The following PRAMEF20 variants were observed in gnomAD, a reference collection of about 807,000 sequenced individuals.
PRAMEF20 encodes PRAME family member 20/21.
Under a neutral mutation model 32.4 loss-of-function variants are expected in PRAMEF20, and 27 were observed. The observed-to-expected ratio is 0.83, with a 90% CI of 0.61 to 1.15. PRAMEF20 has a LOEUF of 1.15. Ranked by LOEUF, PRAMEF20 falls within the 50% of genes most tolerant of loss-of-function variation. The pLI is 0.00. For synonymous variants in PRAMEF20, 256 were observed against 235.4 expected (o/e 1.09, Z -0.80); for missense variants, 604 against 584.5 (o/e 1.03, Z -0.34).
Position 13,416,457 on chromosome 1 carries a change from CT to C in PRAMEF20, c.108del (p.Pro38HisfsTer15), listed in dbSNP as rs766678456. On this transcript the variant is annotated frameshift_variant, in exon 1 of 3. Coordinates refer to ENST00000602960, the Ensembl canonical transcript of PRAMEF20. LOFTEE classifies it high-confidence loss of function. ...CACCCTGGAGGAGCTGCCCACGGAA[CT>C]TTTTCCCCCATTGTTCATGGAGGCC... 2.5e-6 allele frequency: 4 copies of C among 1,614,060 alleles called. No homozygotes were observed. The highest frequency in any genetic ancestry group is 1.7e-6 in the Non-Finnish European group (2 of 1,179,954).
At chr1:13,413,880 C>T (rs1641136325), upstream of PRAMEF20, among the ~76,000 whole-genome samples, 1 of 152,022 alleles carries the variant, frequency 6.6e-6, no homozygotes, top group Non-Finnish European at 1.5e-5. Context: ...TTCAGGCAGC[C>T]CAAGATGGCA....
chr1:13,420,478 G>T (rs1437114367), intron 2 of PRAMEF20, among the ~76,000 whole-genome samples: 1 of 152,108 alleles, frequency 6.6e-6, no homozygotes. Flanking sequence ...CAAAGTTCTG[G>T]GATTACAGGT....
exon 1 of PRAMEF20, chr1:13,416,385 G>C: frequency 1.2e-6 from 2 of 1,613,338 alleles, no homozygotes; most frequent in Non-Finnish European, 1.7e-6. Context: ...CAGACTCCTG[G>C]AGCTGGCGGG....
upstream of PRAMEF20, among the ~76,000 whole-genome samples, chr1:13,414,362 T>C (rs1641142729): frequency 3.3e-5 from 5 of 152,210 alleles, no homozygotes; most frequent in South Asian, 1.0e-3. Flanking sequence ...CCCAGCCTTC[T>C]TGACATTTTA....
At chr1:13,421,313 C>G (rs1235145268) in exon 3 of PRAMEF20, 4 of 1,611,950 alleles carry the variant, frequency 2.5e-6, no homozygotes, top group Non-Finnish European at 2.5e-6. Flanking sequence ...CACTTGAAAA[C>G]TAAAACCTAG....
At chr1:13,412,848 T>TG (rs1641126925), upstream of PRAMEF20, among the ~76,000 whole-genome samples, 1 of 151,874 alleles carries the variant, frequency 6.6e-6, no homozygotes, top group Non-Finnish European at 1.5e-5. Flanking sequence ...CCATTGAACC[T>TG]GGGAGGTGGA....
At chr1:13,416,096 G>A (rs1245248492), upstream of PRAMEF20, among the ~76,000 whole-genome samples, 3 of 152,232 alleles carry the variant, frequency 2.0e-5, no homozygotes, top group East Asian at 1.9e-4. Context: ...CACTGGATGA[G>A]CACTGGATAG....
At chr1:13,415,994 T>A (rs1641165310), upstream of PRAMEF20, among the ~76,000 whole-genome samples, 1 of 152,206 alleles carries the variant, frequency 6.6e-6, no homozygotes, top group Non-Finnish European at 1.5e-5. Context: ...CTTTTGACAC[T>A]CCCATTCCCA....
At chr1:13,421,054 C>T in exon 3 of PRAMEF20, 1 of 1,613,904 alleles carries the variant, frequency 6.2e-7, no homozygotes. Flanking sequence ...ACAACTTATG[C>T]CTGGAGCTGT....
At chr1:13,418,744 C>G in intron 2 of PRAMEF20, 44 bp downstream of exon 3, 1 of 1,611,034 alleles carries the variant, frequency 6.2e-7, no homozygotes, top group Non-Finnish European at 8.5e-7. Flanking sequence ...ACAGCAGAGC[C>G]TTTCTTGTTA....
chr1:13,416,366 G>T lies in PRAMEF20; in HGVS notation c.12G>T (p.Arg4=), dbSNP rs566745947. The change falls in exon 1 of 3, where the codon CGG becomes CGT. Residue 4 remains arginine, a synonymous_variant. Transcript: ENST00000602960. ...GCAGATTCAGGAAGATGAGCATCCG[G>T]ACTCCACCCAGACTCCTGGAGCTGG... is the stretch of plus-strand genomic sequence containing the variant. 515 of 1,612,912 alleles carry T rather than the reference G, an allele frequency of 3.2e-4. 4 individuals are homozygous for T. In the African/African-American group the frequency reaches 6.4e-3, roughly 20 times the overall value.
chr1:13,411,990 G>T (rs1302220144), upstream of PRAMEF20, among the ~76,000 whole-genome samples: 2 of 150,988 alleles, frequency 1.3e-5, no homozygotes, highest in Non-Finnish European at 3.0e-5. Flanking sequence ...CCACCTTAGT[G>T]GCTTTTAATT....
chr1:13,416,415 G>T lies in PRAMEF20; in HGVS notation c.61G>T (p.Glu21Ter). The change falls in exon 1 of 3, where the codon GAG becomes TAG. Residue 21 changes from glutamate to a stop codon, truncating the protein, a stop_gained. Coordinates refer to ENST00000602960, the Ensembl canonical transcript of PRAMEF20. LOFTEE classifies it high-confidence loss of function. The stretch of plus-strand genomic sequence containing the variant: ...GGCGGGGCGGAGCCTGCTGAGGGAC[G>T]AGGCCTTGGCCATCTCCACCCTGGA... 1 of 1,612,206 alleles carries T rather than the reference G, an allele frequency of 6.2e-7. No homozygotes were observed. Among genetic ancestry groups the T allele is most frequent in the Non-Finnish European group, 8.5e-7 (1 of 1,179,068 alleles).
chr1:13,411,714 C>T (rs1641116188), upstream of PRAMEF20, among the ~76,000 whole-genome samples: 4 of 152,144 alleles, frequency 2.6e-5, no homozygotes, highest in Admixed American at 2.6e-4. Context: ...ATCTCTAGAG[C>T]AAAGGAAATC....
rs71272484 is a variant in PRAMEF20, at chr1:13,417,910, T to TTGTGTGTGTGTGTGTGTG, written c.288-186_288-169dup. ...GCGCCCGCCACCACGCCCGGCTAAT[T>TTGTGTGTGTGTGTGTGTG]TGTGTGTGTGTGTGTGTGTGTGTGT... On this transcript the variant is annotated intron_variant, in intron 1 of 2. Coordinates refer to ENST00000602960, the Ensembl canonical transcript of PRAMEF20. 5.3e-3 allele frequency among the ~76,000 whole-genome samples: 656 copies of TTGTGTGTGTGTGTGTGTG among 124,240 alleles called. 10 individuals are homozygous for TTGTGTGTGTGTGTGTGTG. The highest frequency in any genetic ancestry group is 0.021 in the Middle Eastern group (5 of 240). The allele number at this position is 124,240 out of a possible 152,430, so 81.5% of individuals were successfully genotyped here.
chr1:13,416,117 C>A (rs1641166410), upstream of PRAMEF20, among the ~76,000 whole-genome samples: 1 of 152,208 alleles, frequency 6.6e-6, no homozygotes, highest in African/African-American at 2.4e-5. Context: ...AAAGGAAGGG[C>A]TAGTGGTGGC....
chr1:13,413,355 TTTG>T (rs1021539265), upstream of PRAMEF20, among the ~76,000 whole-genome samples: 43 of 151,890 alleles, frequency 2.8e-4, no homozygotes, highest in African/African-American at 7.2e-4. Flanking sequence ...AGTTTTCTTT[TTTG>T]TTGTTGTTGT....
exon 2 of PRAMEF20, chr1:13,418,264 C>G (rs1442533895): frequency 1.2e-6 from 2 of 1,613,744 alleles, no homozygotes; most frequent in Non-Finnish European, 1.7e-6. Flanking sequence ...GATGAGAGGA[C>G]AGCAGCCCTT....
exon 3 of PRAMEF20, chr1:13,420,826 G>A (rs1355138683): frequency 9.9e-6 from 16 of 1,613,792 alleles, no homozygotes; most frequent in African/African-American, 1.3e-5. Context: ...GCACCAGACT[G>A]GCCAATTTCA....
Sources: gnomAD v4.1 joint callset for allele counts (sites outside exome capture counted in the v4.1 genomes callset) on GRCh38, gnomAD v4.1.1 for gene constraint, MANE v1.5 for transcripts, NCBI Gene and HGNC (gene_info 2026-07-23, HGNC 2026-07-21) for gene names.